Variants in LURAP1 observed in about 807,000 individuals in gnomAD.
The protein encoded by LURAP1 is leucine rich adaptor protein 1.
A neutral mutation model predicts 19.0 loss-of-function variants in LURAP1; 14 were observed. That is an observed-to-expected ratio of 0.74 (90% CI 0.49 to 1.15). The LOEUF is 1.15. Ranked by LOEUF, LURAP1 falls within the 50% of genes most tolerant of loss-of-function variation. LURAP1 has a pLI of 0.00. For synonymous variants in LURAP1, 129 were observed against 131.8 expected (o/e 0.98, Z 0.14); for missense variants, 273 against 309.1 (o/e 0.88, Z 0.87).
chr1:46,219,309 AAG>A (rs1369608652), intron 1 of LURAP1, among the ~76,000 whole-genome samples: 2 of 152,104 alleles, frequency 1.3e-5, no homozygotes, highest in Non-Finnish European at 2.9e-5. Flanking sequence ...AAAAAAAAAA[AAG>A]AAGTACCCTA....
chr1:46,214,915 A>G (rs1659018404), intron 1 of LURAP1, among the ~76,000 whole-genome samples: 1 of 149,688 alleles, frequency 6.7e-6, no homozygotes, highest in Admixed American at 6.7e-5. Context: ...GAAATATTTC[A>G]GAAACTAGAG....
At chr1:46,204,335 T>C (rs1658645973) in intron 1 of LURAP1, among the ~76,000 whole-genome samples, 1 of 152,166 alleles carries the variant, frequency 6.6e-6, no homozygotes, top group South Asian at 2.1e-4. Flanking sequence ...AACCCTCCCC[T>C]TTCTCTATTG....
At chr1:46,207,879 T>A (rs1658768920) in intron 1 of LURAP1, among the ~76,000 whole-genome samples, 1 of 151,188 alleles carries the variant, frequency 6.6e-6, no homozygotes, top group Non-Finnish European at 1.5e-5. Flanking sequence ...TATCATTATT[T>A]TTTTTGACAC....
At chr1:46,206,438 C>T (rs1658719414) in intron 1 of LURAP1, among the ~76,000 whole-genome samples, 1 of 152,090 alleles carries the variant, frequency 6.6e-6, no homozygotes, top group Admixed American at 6.6e-5. Flanking sequence ...AGGACCCCAG[C>T]GCTGGGCAGA....
chr1:46,214,981 C>CTT (rs2148250066), intron 1 of LURAP1, among the ~76,000 whole-genome samples: 1 of 151,144 alleles, frequency 6.6e-6, no homozygotes, highest in Non-Finnish European at 1.5e-5. Context: ...AATCCCAGCA[C>CTT]TTTGAGAGGC....
rs1311626532 is a variant in LURAP1, at chr1:46,220,439, T to C, written c.*219T>C. The C allele has an allele frequency of 1.8e-6, 1 of 542,548 alleles. No individual in the cohort carries two copies. Among genetic ancestry groups the C allele is most frequent in the Non-Finnish European group, 3.2e-6 (1 of 310,378 alleles). 33.6% of individuals were successfully genotyped at this position (542,548 alleles called of 1,614,324 possible). A position where few individuals can be genotyped will look rare whatever the true frequency, so the allele number is the denominator to read the frequency against. On this transcript the variant is annotated 3_prime_UTR_variant, in exon 2 of 2. Coordinates refer to ENST00000371980, the MANE Select transcript of LURAP1 (RefSeq NM_001013615.3). ...CTAGCTTGCTCTTTCTTTCTTTCTT[T>C]CTTTTTTTGAGACAGGGTCTTATGC...
At chr1:46,213,779 C>T (rs921005105) in intron 1 of LURAP1, among the ~76,000 whole-genome samples, 4 of 151,944 alleles carry the variant, frequency 2.6e-5, no homozygotes, top group Admixed American at 2.0e-4. Context: ...TTTACCCCTA[C>T]TTGGCTCCTA....
Position 46,203,591 on chromosome 1 carries a change from G to A in LURAP1, c.165G>A (p.Leu55=), listed in dbSNP as rs1271006379. The change falls in exon 1 of 2, where the codon TTG becomes TTA. Residue 55 remains leucine, a synonymous_variant. Coordinates refer to ENST00000371980, the MANE Select transcript of LURAP1 (RefSeq NM_001013615.3). ...GGGCGTCTAGCACCGGCCACGACTT[G>A]GGGGACAAGATCATGGCGCTGAAGA... ...LPGASSTGHD[L]GDKIMALKME... is the part of the protein sequence containing the mutation. The A allele has an allele frequency of 1.3e-6, 2 of 1,589,886 alleles. No homozygotes were observed. The highest frequency in any genetic ancestry group is 8.5e-7 in the Non-Finnish European group (1 of 1,170,298).
In LURAP1 at chr1:46,203,358, C is replaced by T; in HGVS notation, c.-69C>T. 1 of 1,386,402 alleles carries T rather than the reference C, an allele frequency of 7.2e-7. No homozygotes were observed. Among genetic ancestry groups the T allele is most frequent in the Non-Finnish European group, 9.5e-7 (1 of 1,050,050 alleles). The allele number at this position is 1,386,402 out of a possible 1,614,324, so 85.9% of individuals were successfully genotyped here. The stretch of plus-strand genomic sequence containing the variant: ...CGGTTTTGCTCCGCTTTAGCAGCGG[C>T]GAAGGGAGGACCCCCGGGAGCCGGT... On this transcript the variant is annotated 5_prime_UTR_variant, in exon 1 of 2. Transcript: ENST00000371980.
At chr1:46,209,194 T>C (rs1479396545) in intron 1 of LURAP1, among the ~76,000 whole-genome samples, 2 of 152,158 alleles carry the variant, frequency 1.3e-5, no homozygotes, top group Admixed American at 1.3e-4. Context: ...CCAGCTAATT[T>C]TGTATTTTTC....
At chr1:46,208,516 A>C (rs1297936874) in intron 1 of LURAP1, among the ~76,000 whole-genome samples, 1 of 152,176 alleles carries the variant, frequency 6.6e-6, no homozygotes, top group Non-Finnish European at 1.5e-5. Flanking sequence ...GGGCTTGAAG[A>C]ATGAATAAAG....
chr1:46,214,553 A>G (rs1278812726), intron 1 of LURAP1, among the ~76,000 whole-genome samples: 1 of 152,138 alleles, frequency 6.6e-6, no homozygotes, highest in Non-Finnish European at 1.5e-5. Flanking sequence ...ATGGCGGGGA[A>G]AAGAAAAAAG....
At chr1:46,216,453 C>T (rs941795137) in intron 1 of LURAP1, among the ~76,000 whole-genome samples, 5 of 152,146 alleles carry the variant, frequency 3.3e-5, no homozygotes, top group Non-Finnish European at 7.4e-5. Flanking sequence ...GCAATCCTCT[C>T]ACCTCAGCCT....
intron 1 of LURAP1, among the ~76,000 whole-genome samples, chr1:46,218,215 G>A (rs57901581): frequency 0.019 from 2,945 of 152,228 alleles, 88 homozygotes; most frequent in African/African-American, 0.065. Context: ...AACAAGGTGA[G>A]ACCTTGTCTG....
intron 1 of LURAP1, among the ~76,000 whole-genome samples, chr1:46,205,984 C>T (rs1658702506): frequency 6.6e-6 from 1 of 152,224 alleles, no homozygotes; most frequent in Non-Finnish European, 1.5e-5. Flanking sequence ...TCAGTCCTGC[C>T]TCTAGGCCTC....
intron 1 of LURAP1, among the ~76,000 whole-genome samples, chr1:46,213,428 ACCT>A (rs1171478063): frequency 6.7e-6 from 1 of 150,284 alleles, no homozygotes; most frequent in Admixed American, 6.8e-5. Context: ...CGGCAGTAAA[ACCT>A]CCTGCTGGTG....
In LURAP1 at chr1:46,220,221, CA is replaced by C; in HGVS notation, c.*3del. ...CCAGGATGATGTGACCTTCTTGTAA[CA>C]ACTATTCCACCCTTTTGTAATCCTG... On this transcript the variant is annotated 3_prime_UTR_variant, in exon 2 of 2. Transcript: ENST00000371980. 1 of 1,600,244 alleles carries C rather than the reference CA, an allele frequency of 6.2e-7. No homozygotes were observed. Among genetic ancestry groups the C allele is most frequent in the Non-Finnish European group, 8.5e-7 (1 of 1,172,432 alleles).
intron 1 of LURAP1, among the ~76,000 whole-genome samples, chr1:46,206,334 A>G (rs1557682924): frequency 1.3e-5 from 2 of 152,238 alleles, no homozygotes; most frequent in East Asian, 3.9e-4. Flanking sequence ...TATAGTAACA[A>G]TATTCTGATA....
chr1:46,217,651 G>A (rs1571692185), intron 1 of LURAP1, among the ~76,000 whole-genome samples: 1 of 152,114 alleles, frequency 6.6e-6, no homozygotes, highest in East Asian at 1.9e-4. Context: ...GAGGTCAGGA[G>A]TTTGAGACCA....
Sources: allele counts gnomAD v4.1 joint callset (sites outside exome capture counted in the v4.1 genomes callset), GRCh38; gene constraint gnomAD v4.1.1; transcripts MANE v1.5; gene names NCBI Gene and HGNC (gene_info 2026-07-23, HGNC 2026-07-21).